The following RSPH9 variants were observed in gnomAD, a reference collection of about 807,000 sequenced individuals.
The protein encoded by RSPH9 is radial spoke head protein 9 homolog.
Under a neutral mutation model 27.0 loss-of-function variants are expected in RSPH9, and 27 were observed. That is an observed-to-expected ratio of 1.00 (90% CI 0.74 to 1.38). The LOEUF (loss-of-function observed/expected upper bound fraction) is 1.38. Among genes scored for constraint, RSPH9 ranks in the 40% most tolerant of loss-of-function variants. RSPH9 has a pLI of 0.00. For missense variants in RSPH9, 347 were observed against 357.4 expected (o/e 0.97, Z 0.24); for synonymous variants, 145 against 147.7 (o/e 0.98, Z 0.13).
intron 3 of RSPH9, among the ~76,000 whole-genome samples, chr6:43,656,043 T>G (rs1407592541): frequency 2.7e-4 from 21 of 79,236 alleles, no homozygotes; most frequent in African/African-American, 1.7e-3. Flanking sequence ...CTTCCCCTTC[T>G]TTCCCTTCTT....
chr6:43,650,110 C>T (rs1443246339), intron 1 of RSPH9, among the ~76,000 whole-genome samples: 2 of 152,158 alleles, frequency 1.3e-5, no homozygotes, highest in Non-Finnish European at 2.9e-5. Context: ...GACGGGGTTT[C>T]ACCATGTTGG....
At chr6:43,662,887 C>T (rs1772778859) in intron 4 of RSPH9, among the ~76,000 whole-genome samples, 1 of 152,084 alleles carries the variant, frequency 6.6e-6, no homozygotes, top group African/African-American at 2.4e-5. Flanking sequence ...ACTTTGAACT[C>T]CTGGGCTCAA....
chr6:43,665,058 A>T (rs1039542766), intron 4 of RSPH9, among the ~76,000 whole-genome samples: 1 of 152,194 alleles, frequency 6.6e-6, no homozygotes, highest in Admixed American at 6.5e-5. Context: ...CCAGAATCAG[A>T]AGATGAAACT....
intron 1 of RSPH9, among the ~76,000 whole-genome samples, chr6:43,649,564 G>A (rs2127889107): frequency 6.6e-6 from 1 of 151,690 alleles, no homozygotes; most frequent in Non-Finnish European, 1.5e-5. Context: ...CCTAGGCCCA[G>A]GGTATATTTG....
chr6:43,652,929 C>T (rs1057015160), intron 2 of RSPH9, among the ~76,000 whole-genome samples: 1 of 152,168 alleles, frequency 6.6e-6, no homozygotes, highest in Non-Finnish European at 1.5e-5. Context: ...AGTGATCCTC[C>T]AGCCTCAGCC....
chr6:43,660,039 CT>C (rs1163299257), intron 4 of RSPH9, among the ~76,000 whole-genome samples: 228 of 109,342 alleles, frequency 2.1e-3, no homozygotes, highest in African/African-American at 5.2e-3. Flanking sequence ...CCAGCCTGGC[CT>C]TTTTTTTTTT....
At chr6:43,652,881 C>T (rs1410936038) in intron 2 of RSPH9, among the ~76,000 whole-genome samples, 2 of 151,988 alleles carry the variant, frequency 1.3e-5, no homozygotes, top group East Asian at 1.9e-4. Flanking sequence ...TGCAGTGGCA[C>T]GATCTTGGCT....
chr6:43,661,678 A>G (rs2127920847), intron 4 of RSPH9, among the ~76,000 whole-genome samples: 1 of 151,654 alleles, frequency 6.6e-6, no homozygotes, highest in African/African-American at 2.4e-5. Context: ...AAAAAAAAAA[A>G]AAAGAGGAAA....
At chr6:43,657,308 T>C (rs6905832) in intron 4 of RSPH9, among the ~76,000 whole-genome samples, 18,100 of 152,210 alleles carry the variant, frequency 0.12, 2,072 homozygotes, top group African/African-American at 0.3. Context: ...ATGATGATGA[T>C]GGCAATGATA....
chr6:43,670,381 C>T (rs1013398346), intron 4 of RSPH9, among the ~76,000 whole-genome samples: 3 of 152,062 alleles, frequency 2.0e-5, no homozygotes, highest in East Asian at 3.9e-4. Context: ...GTGGGAGGAT[C>T]GCCTGAGCCC....
At chr6:43,646,324 C>CG (rs1408876125) in intron 1 of RSPH9, among the ~76,000 whole-genome samples, 1 of 151,066 alleles carries the variant, frequency 6.6e-6, no homozygotes, top group Non-Finnish European at 1.5e-5. Context: ...TTAGTAGAGA[C>CG]GGGGTTTCAC....
At chr6:43,651,542 CTCTT>C (rs904898653) in intron 2 of RSPH9, among the ~76,000 whole-genome samples, 7 of 152,020 alleles carry the variant, frequency 4.6e-5, no homozygotes, top group South Asian at 2.1e-4. Context: ...AACTCTCTCT[CTCTT>C]TCTTTCTTTT....
Position 43,671,337 on chromosome 6 carries a change from A to C in RSPH9, c.*388A>C. 2.5e-6 allele frequency: 1 copy of C among 405,272 alleles called. No homozygotes were observed. Among genetic ancestry groups the C allele is most frequent in the East Asian group, 5.1e-5 (1 of 19,644 alleles). The allele number at this position is 405,272 out of a possible 1,614,324, so 25.1% of individuals were successfully genotyped here. On this transcript the variant is annotated 3_prime_UTR_variant, in exon 5 of 5. Transcript: ENST00000372163. ...AGGATGGGACCTGTTTGGCCCATGA[A>C]TTCAATTGACTCATTGGCCCCATCA...
In RSPH9 at chr6:43,672,264, A is replaced by T. The variant is rs1325569249; in HGVS notation, c.*1315A>T. ...CTGGCCTCAGCCATGGGGCGAGAAG[A>T]GCTGATGTAAGGCTCTGGAGGAACC... On this transcript the variant is annotated 3_prime_UTR_variant, in exon 5 of 5. Coordinates refer to ENST00000372163, the MANE Select transcript of RSPH9 (RefSeq NM_152732.5). 1 of 435,118 alleles carries T rather than the reference A, an allele frequency of 2.3e-6. No individual in the cohort carries two copies. The highest frequency in any genetic ancestry group is 4.7e-6 in the Non-Finnish European group (1 of 210,718). The allele number at this position is 435,118 out of a possible 1,614,324, so 27.0% of individuals were successfully genotyped here. A position where few individuals can be genotyped will look rare whatever the true frequency, so the allele number is the denominator to read the frequency against.
intron 1 of RSPH9, among the ~76,000 whole-genome samples, chr6:43,645,918 C>T (rs1470946175): frequency 6.6e-6 from 1 of 152,108 alleles, no homozygotes; most frequent in African/African-American, 2.4e-5. Flanking sequence ...GGGGAAAATT[C>T]CCTGGTCACT....
chr6:43,662,139 A>G (rs1330672696), intron 4 of RSPH9, among the ~76,000 whole-genome samples: 1 of 152,050 alleles, frequency 6.6e-6, no homozygotes, highest in African/African-American at 2.4e-5. Context: ...TGAGTCTCCC[A>G]AAGTGCTAGG....
chr6:43,667,872 C>T (rs925015866), intron 4 of RSPH9, among the ~76,000 whole-genome samples: 4 of 152,190 alleles, frequency 2.6e-5, no homozygotes, highest in African/African-American at 7.2e-5. Flanking sequence ...GGTCCCCAGC[C>T]TGGCCTACTG....
intron 4 of RSPH9, among the ~76,000 whole-genome samples, chr6:43,667,748 T>C (rs918513828): frequency 1.3e-5 from 2 of 152,130 alleles, no homozygotes; most frequent in South Asian, 4.2e-4. Flanking sequence ...TTGTAGGGGA[T>C]GGGGGTGCCT....
At chr6:43,670,558 C>T (rs894463489) in intron 4 of RSPH9, among the ~76,000 whole-genome samples, 5 of 152,156 alleles carry the variant, frequency 3.3e-5, no homozygotes, top group Non-Finnish European at 5.9e-5. Context: ...GTTGTGATTG[C>T]GCCACTGCAT....
Sources: gnomAD v4.1 joint callset for allele counts (sites outside exome capture counted in the v4.1 genomes callset) on GRCh38, gnomAD v4.1.1 for gene constraint, MANE v1.5 for transcripts, NCBI Gene and HGNC (gene_info 2026-07-23, HGNC 2026-07-21) for gene names.